Variants in ANKS1B observed in about 807,000 individuals in gnomAD.
ANKS1B encodes ankyrin repeat and sterile alpha motif domain-containing protein 1B.
A neutral mutation model predicts 148.3 loss-of-function variants in ANKS1B; 36 were observed. That is an observed-to-expected ratio of 0.24 (90% CI 0.19 to 0.32). The LOEUF (loss-of-function observed/expected upper bound fraction) is 0.32. Among genes scored for constraint, ANKS1B ranks in the 10% least tolerant of loss-of-function variants. ANKS1B has a pLI of 1.00. For synonymous variants in ANKS1B, 542 were observed against 560.8 expected, an observed-to-expected ratio of 0.97 and a Z score of 0.47; for missense variants, 1,157 against 1,542.6, an observed-to-expected ratio of 0.75 and a Z score of 4.19.
At chr12:99,311,771 C>T (rs1393132949) in intron 12 of ANKS1B, among the ~76,000 whole-genome samples, 1 of 151,922 alleles carries the variant, frequency 6.6e-6, no homozygotes, top group Non-Finnish European at 1.5e-5. Flanking sequence ...TGGAACCATA[C>T]CAAAAATAAG....
intron 10 of ANKS1B, among the ~76,000 whole-genome samples, chr12:99,482,575 G>A (rs2096429526): frequency 6.6e-6 from 1 of 151,846 alleles, no homozygotes; most frequent in Non-Finnish European, 1.5e-5. Context: ...AAATAATGTT[G>A]GTATTTTGAT....
chr12:99,494,528 T>A (rs1344039405), intron 10 of ANKS1B, among the ~76,000 whole-genome samples: 1 of 151,676 alleles, frequency 6.6e-6, no homozygotes, highest in African/African-American at 2.4e-5. Context: ...GGTCAGGAGA[T>A]TGAGACCATC....
At chr12:99,075,833 ATAAT>A (rs2047671004) in intron 16 of ANKS1B, among the ~76,000 whole-genome samples, 3 of 97,152 alleles carry the variant, frequency 3.1e-5, no homozygotes, top group African/African-American at 8.8e-5. Context: ...TATCGTATAT[ATAAT>A]ATATGTTTTA....
chr12:99,506,488 GA>G (rs2153012802), intron 9 of ANKS1B, among the ~76,000 whole-genome samples: 1 of 152,062 alleles, frequency 6.6e-6, no homozygotes, highest in South Asian at 2.1e-4. Flanking sequence ...GCATCCAGAG[GA>G]AAGTAATCAG....
intron 1 of ANKS1B, among the ~76,000 whole-genome samples, chr12:99,891,012 GACATT>G (rs1208858655): frequency 3.9e-5 from 6 of 152,194 alleles, no homozygotes; most frequent in African/African-American, 1.4e-4. Context: ...GACTTTTATG[GACATT>G]ACACTTAAGT....
At chr12:99,717,176 T>C (rs11536111) in intron 8 of ANKS1B, among the ~76,000 whole-genome samples, 100,218 of 151,362 alleles carry the variant, frequency 0.66, 33,233 homozygotes, top group Non-Finnish European at 0.69. Context: ...GGCTGTCTTA[T>C]TCTCAATATA....
At chr12:99,796,807 T>C (rs1602341016) in intron 4 of ANKS1B, among the ~76,000 whole-genome samples, 1 of 151,976 alleles carries the variant, frequency 6.6e-6, no homozygotes, top group South Asian at 2.1e-4. Context: ...TAATATTAAT[T>C]ACATACATGT....
intron 14 of ANKS1B, among the ~76,000 whole-genome samples, chr12:99,157,573 G>C (rs1250839156): frequency 1.3e-5 from 2 of 152,160 alleles, no homozygotes; most frequent in Admixed American, 6.5e-5. Flanking sequence ...TTAGTACAGA[G>C]AGAGGGAAAG....
intron 24 of ANKS1B, among the ~76,000 whole-genome samples, chr12:98,778,126 A>G (rs77811596): frequency 0.046 from 6,936 of 152,318 alleles, 175 homozygotes; most frequent in African/African-American, 0.062. Flanking sequence ...AGGCAGGGGT[A>G]CGAGATGCAA....
At chr12:98,960,126 T>C (rs78808916) in intron 17 of ANKS1B, among the ~76,000 whole-genome samples, 5,294 of 152,204 alleles carry the variant, frequency 0.035, 224 homozygotes, top group East Asian at 0.16. Flanking sequence ...CCTAGGGCTA[T>C]GAGCAAAGAT....
intron 17 of ANKS1B, among the ~76,000 whole-genome samples, chr12:98,992,065 A>G (rs562642545): frequency 5.9e-5 from 9 of 152,314 alleles, no homozygotes; most frequent in South Asian, 2.1e-4. Flanking sequence ...AGGTTACAGG[A>G]CAGATGGTCT....
At chr12:99,285,952 T>C (rs1399852091) in intron 12 of ANKS1B, among the ~76,000 whole-genome samples, 1 of 152,112 alleles carries the variant, frequency 6.6e-6, no homozygotes, top group Non-Finnish European at 1.5e-5. Flanking sequence ...TCTGGAGTTC[T>C]AAATAAACTT....
intron 4 of ANKS1B, among the ~76,000 whole-genome samples, chr12:99,789,032 G>A (rs749100433): frequency 6.6e-6 from 1 of 152,070 alleles, no homozygotes. Context: ...CCAGGGTCTG[G>A]GGGAACTCAC....
At chr12:99,743,532 G>A (rs1405850450) in intron 8 of ANKS1B, among the ~76,000 whole-genome samples, 1 of 152,178 alleles carries the variant, frequency 6.6e-6, no homozygotes, top group Non-Finnish European at 1.5e-5. Flanking sequence ...GAGAGGAAGA[G>A]AGGATTAATA....
chr12:99,422,069 G>A (rs1430598449), intron 11 of ANKS1B, among the ~76,000 whole-genome samples: 1 of 152,176 alleles, frequency 6.6e-6, no homozygotes, highest in Non-Finnish European at 1.5e-5. Context: ...GCAGAACCGT[G>A]AGCCAATTAA....
intron 8 of ANKS1B, among the ~76,000 whole-genome samples, chr12:99,766,504 T>G (rs1440143026): frequency 1.3e-5 from 2 of 152,184 alleles, no homozygotes; most frequent in East Asian, 3.8e-4. Flanking sequence ...TTTCCATTAA[T>G]GTACCTACAG....
chr12:98,774,582 G>C (rs1395765670), intron 24 of ANKS1B, among the ~76,000 whole-genome samples: 1 of 152,082 alleles, frequency 6.6e-6, no homozygotes, highest in Non-Finnish European at 1.5e-5. Flanking sequence ...TTTTTTTGCA[G>C]TTGTCACAGA....
chr12:99,449,846 G>A (rs1164737962), intron 10 of ANKS1B, among the ~76,000 whole-genome samples: 1 of 152,088 alleles, frequency 6.6e-6, no homozygotes, highest in Non-Finnish European at 1.5e-5. Context: ...TTGAGACATT[G>A]TACTGTTCAA....
chr12:99,190,685 A>G (rs2080547445), intron 14 of ANKS1B, among the ~76,000 whole-genome samples: 1 of 152,162 alleles, frequency 6.6e-6, no homozygotes, highest in African/African-American at 2.4e-5. Context: ...CCTTATACAA[A>G]AATTAACTGA....
Sources: allele counts gnomAD v4.1 joint callset (sites outside exome capture counted in the v4.1 genomes callset), GRCh38; gene constraint gnomAD v4.1.1; transcripts MANE v1.5; gene names NCBI Gene and HGNC (gene_info 2026-07-23, HGNC 2026-07-21).